Variants in WWP2 observed in about 807,000 individuals in gnomAD.
WWP2 encodes WW domain containing E3 ubiquitin protein ligase 2, also known as NEDD4-like E3 ubiquitin-protein ligase WWP2.
In WWP2, 57 loss-of-function variants were observed where a neutral mutation model predicts 121.0. That is an observed-to-expected ratio of 0.47 (90% CI 0.38 to 0.59). WWP2 has a LOEUF of 0.59. Among genes scored for constraint, WWP2 ranks in the 20% least tolerant of loss-of-function variants. WWP2 has a pLI of 0.00. For synonymous variants in WWP2, 449 were observed against 441.3 expected, an observed-to-expected ratio of 1.02 and a Z score of -0.22; for missense variants, 962 against 1,158.9, an observed-to-expected ratio of 0.83 and a Z score of 2.47.
chr16:69,858,564 G>T (rs1211612264), intron 6 of WWP2, among the ~76,000 whole-genome samples: 3 of 152,042 alleles, frequency 2.0e-5, no homozygotes, highest in African/African-American at 7.2e-5. Context: ...CCAAGAGTGT[G>T]CTGGGGTCCC....
intron 10 of WWP2, among the ~76,000 whole-genome samples, chr16:69,921,210 C>A (rs1209311412): frequency 6.6e-6 from 1 of 152,178 alleles, no homozygotes; most frequent in Non-Finnish European, 1.5e-5. Context: ...TGATTTTCCT[C>A]CCCCTCTGGC....
intron 1 of WWP2, among the ~76,000 whole-genome samples, chr16:69,775,742 CCTT>C (rs1446451121): frequency 7.2e-5 from 11 of 152,118 alleles, no homozygotes; most frequent in Non-Finnish European, 1.5e-4. Context: ...TAGACATTGA[CCTT>C]CTTCCTGCTG....
intron 9 of WWP2, among the ~76,000 whole-genome samples, chr16:69,911,125 C>A (rs1597148252): frequency 1.3e-5 from 2 of 152,334 alleles, no homozygotes; most frequent in Admixed American, 1.3e-4. Flanking sequence ...CAGATGGAGC[C>A]ATGATCTCAA....
chr16:69,891,484 G>A (rs1285959973), intron 8 of WWP2, among the ~76,000 whole-genome samples: 1 of 152,160 alleles, frequency 6.6e-6, no homozygotes, highest in Non-Finnish European at 1.5e-5. Flanking sequence ...TAGTGCCCAA[G>A]TTCTATATTC....
At chr16:69,908,068 C>T (rs560567188) in intron 8 of WWP2, among the ~76,000 whole-genome samples, 3 of 152,094 alleles carry the variant, frequency 2.0e-5, no homozygotes, top group African/African-American at 4.8e-5. Context: ...TGGTGAAACC[C>T]GTCTCTACCA....
intron 2 of WWP2, among the ~76,000 whole-genome samples, chr16:69,798,263 C>T (rs989876017): frequency 6.6e-6 from 1 of 152,122 alleles, no homozygotes; most frequent in African/African-American, 2.4e-5. Context: ...GTAATTTCCC[C>T]AGAGCGAACA....
At chr16:69,885,380 A>T (rs2057906474) in intron 7 of WWP2, among the ~76,000 whole-genome samples, 1 of 152,228 alleles carries the variant, frequency 6.6e-6, no homozygotes, top group Non-Finnish European at 1.5e-5. Flanking sequence ...ATTGCACAAG[A>T]TTTAGTCATT....
chr16:69,852,314 T>C (rs2057231669), intron 6 of WWP2, among the ~76,000 whole-genome samples: 1 of 152,034 alleles, frequency 6.6e-6, no homozygotes. Flanking sequence ...CCTCACTCTG[T>C]TGTCCAGGCT....
chr16:69,799,833 C>T lies in WWP2; in HGVS notation c.340+538C>T, dbSNP rs1230068691. ...GTGATGGACGCGCCATCTGAATTAG[C>T]CAACGTGCCTCTACGTCACGGACAT... On this transcript the variant is annotated intron_variant, in intron 4 of 23. Coordinates refer to ENST00000359154, the MANE Select transcript of WWP2 (RefSeq NM_001270454.2). This position sits in a 1 kb window ranked among gnomAD's most constrained non-coding sequence, Gnocchi z 4.5. Among the ~76,000 whole-genome samples, 1 of 152,136 alleles carries T rather than the reference C, an allele frequency of 6.6e-6. No individual in the cohort carries two copies. Among genetic ancestry groups the T allele is most frequent in the African/African-American group, 2.4e-5 (1 of 41,414 alleles).
intron 4 of WWP2, among the ~76,000 whole-genome samples, chr16:69,820,791 G>A (rs2056577701): frequency 6.6e-6 from 1 of 151,268 alleles, no homozygotes; most frequent in Admixed American, 6.6e-5. Context: ...TCACTTTTGT[G>A]TACCTACAAC....
chr16:69,766,671 T>G (rs2038737618), intron 1 of WWP2, among the ~76,000 whole-genome samples: 1 of 152,184 alleles, frequency 6.6e-6, no homozygotes, highest in African/African-American at 2.4e-5. Context: ...AAGCCCCTAT[T>G]CAGCCACATG....
In WWP2 at chr16:69,925,309, C is replaced by G; in HGVS notation, c.1180-121C>G. 2 of 1,506,916 alleles carry G rather than the reference C, an allele frequency of 1.3e-6. No homozygotes were observed. The highest frequency in any genetic ancestry group is 4.1e-5 in the Admixed American group (2 of 48,676). The allele number at this position is 1,506,916 out of a possible 1,614,324, so 93.3% of individuals were successfully genotyped here. Reference sequence around the variant, plus strand: ...ATGCCACCTAAAGTCCCACTGCATTCCCTGCAAAGCGCTCAAATGTGGAAG... The same window carrying G: ...ATGCCACCTAAAGTCCCACTGCATTGCCTGCAAAGCGCTCAAATGTGGAAG... On this transcript the variant is annotated intron_variant, in intron 10 of 23. Coordinates refer to ENST00000359154, the MANE Select transcript of WWP2 (RefSeq NM_001270454.2). The surrounding 1 kb of genome is among the most constrained non-coding windows in gnomAD (Gnocchi z 4.0).
At chr16:69,911,041 T>C (rs977030221) in intron 9 of WWP2, among the ~76,000 whole-genome samples, 2 of 152,188 alleles carry the variant, frequency 1.3e-5, no homozygotes, top group Non-Finnish European at 2.9e-5. Flanking sequence ...ATGCTTAAGC[T>C]TTCATTTCTC....
chr16:69,846,571 A>G (rs2057083270), intron 6 of WWP2, among the ~76,000 whole-genome samples: 1 of 152,112 alleles, frequency 6.6e-6, no homozygotes, highest in South Asian at 2.1e-4. Flanking sequence ...AAATATAAAA[A>G]TTAGCTTGGC....
intron 9 of WWP2, chr16:69,909,528 T>C (rs1216607514): frequency 1.0e-6 from 1 of 985,292 alleles, no homozygotes; most frequent in African/African-American, 1.7e-5. Flanking sequence ...GTCCCATAAT[T>C]CTCCATGGAT....
At chr16:69,903,910 T>C (rs75683664) in intron 8 of WWP2, among the ~76,000 whole-genome samples, 12,344 of 152,252 alleles carry the variant, frequency 0.081, 754 homozygotes, top group East Asian at 0.35. Context: ...AAAATGAGCG[T>C]ACTAGTATTA....
intron 21 of WWP2, among the ~76,000 whole-genome samples, chr16:69,938,106 C>T (rs1714191818): frequency 1.3e-5 from 2 of 152,096 alleles, no homozygotes; most frequent in African/African-American, 4.8e-5. Flanking sequence ...ATTCTTAGTA[C>T]ATGTCTGTGT....
intron 8 of WWP2, among the ~76,000 whole-genome samples, chr16:69,895,777 G>A (rs1198716826): frequency 1.3e-5 from 2 of 152,270 alleles, no homozygotes; most frequent in East Asian, 3.9e-4. Context: ...AGAAAAAAAA[G>A]TTTCTAAGTG....
At chr16:69,858,391 A>G (rs1162001017) in intron 6 of WWP2, among the ~76,000 whole-genome samples, 1 of 152,186 alleles carries the variant, frequency 6.6e-6, no homozygotes, top group Non-Finnish European at 1.5e-5. Flanking sequence ...CTGAGCTGAA[A>G]GAGTCTCGTG....
Sources: gnomAD v4.1 joint callset for allele counts (sites outside exome capture counted in the v4.1 genomes callset) on GRCh38, gnomAD v4.1.1 for gene constraint, Gnocchi (gnomAD v3.1) non-coding constraint, MANE v1.5 for transcripts, NCBI Gene and HGNC (gene_info 2026-07-23, HGNC 2026-07-21) for gene names.